SNX29: variants seen among roughly 807,000 people sequenced by gnomAD.
SNX29 encodes the protein sorting nexin-29.
SNX29 carries 78 observed loss-of-function variants against 102.1 expected under a neutral mutation model. That is an observed-to-expected ratio of 0.76 (90% CI 0.64 to 0.92). SNX29 has a LOEUF of 0.92. SNX29 is among the 40% of genes least tolerant of loss of function. SNX29 has a pLI of 0.00. For synonymous variants in SNX29, 580 were observed against 414.5 expected (o/e 1.40, Z -4.85); for missense variants, 1,280 against 1,061.7 (o/e 1.21, Z -2.86).
intron 18 of SNX29, among the ~76,000 whole-genome samples, chr16:12,421,925 C>A (rs2084889522): frequency 1.6e-5 from 1 of 63,366 alleles, no homozygotes; most frequent in Admixed American, 1.9e-4. Context: ...CCATCACCAT[C>A]ATCATCCGTC....
At chr16:12,024,464 C>T (rs1399682229) in intron 3 of SNX29, among the ~76,000 whole-genome samples, 1 of 152,090 alleles carries the variant, frequency 6.6e-6, no homozygotes, top group African/African-American at 2.4e-5. Context: ...CCTTGAATGA[C>T]CAGTAGATAC....
intron 20 of SNX29, among the ~76,000 whole-genome samples, chr16:12,563,546 A>G (rs1042962106): frequency 6.6e-6 from 1 of 152,108 alleles, no homozygotes; most frequent in Non-Finnish European, 1.5e-5. Flanking sequence ...TCCCACCACT[A>G]CCTGAGGGGT....
intron 20 of SNX29, among the ~76,000 whole-genome samples, chr16:12,555,391 G>A (rs116413729): frequency 0.015 from 2,314 of 152,152 alleles, 56 homozygotes; most frequent in African/African-American, 0.052. Context: ...CTTTCCCTGC[G>A]TGTCTGCTGG....
At chr16:12,281,667 A>G (rs144060584) in intron 15 of SNX29, among the ~76,000 whole-genome samples, 2 of 152,268 alleles carry the variant, frequency 1.3e-5, no homozygotes, top group African/African-American at 4.8e-5. Flanking sequence ...GTAGATGAAC[A>G]TATGTGATCC....
At chr16:12,535,237 C>G (rs1004906927) in intron 20 of SNX29, among the ~76,000 whole-genome samples, 9 of 152,354 alleles carry the variant, frequency 5.9e-5, no homozygotes, top group Admixed American at 4.6e-4. Flanking sequence ...CTCCTGGGCT[C>G]AAGCGACTTT....
At chr16:12,296,995 C>T (rs533190718) in intron 15 of SNX29, among the ~76,000 whole-genome samples, 1 of 152,346 alleles carries the variant, frequency 6.6e-6, no homozygotes, top group Admixed American at 6.5e-5. Context: ...GTGGCACCCC[C>T]TTCCCCACAA....
intron 3 of SNX29, among the ~76,000 whole-genome samples, chr16:12,009,479 G>GTGTATA (rs142139296): frequency 4.8e-4 from 72 of 150,012 alleles, no homozygotes; most frequent in Non-Finnish European, 7.3e-4. Flanking sequence ...GTGTGTGTGT[G>GTGTATA]TATATATATA....
intron 11 of SNX29, among the ~76,000 whole-genome samples, chr16:12,108,280 G>A (rs990277935): frequency 1.3e-5 from 2 of 152,206 alleles, no homozygotes; most frequent in Non-Finnish European, 2.9e-5. Context: ...ATGCCACCTG[G>A]CTCTTGAGGC....
intron 15 of SNX29, among the ~76,000 whole-genome samples, chr16:12,345,093 A>G (rs1306250134): frequency 6.6e-6 from 1 of 152,158 alleles, no homozygotes; most frequent in Admixed American, 6.5e-5. Context: ...AAGCCCTACA[A>G]GTGTCTGGTG....
chr16:12,534,430 G>T (rs1280117876), intron 20 of SNX29, among the ~76,000 whole-genome samples: 2 of 152,180 alleles, frequency 1.3e-5, no homozygotes, highest in East Asian at 1.9e-4. Context: ...GGCTGCACTC[G>T]GTTGCCTGTA....
At chr16:12,205,618 G>A (rs2077026648) in intron 14 of SNX29, among the ~76,000 whole-genome samples, 1 of 152,198 alleles carries the variant, frequency 6.6e-6, no homozygotes, top group African/African-American at 2.4e-5. Context: ...TGGTCTCTGT[G>A]TGGCTGGTTC....
intron 13 of SNX29, among the ~76,000 whole-genome samples, chr16:12,139,314 T>A (rs531041750): frequency 6.0e-5 from 9 of 150,762 alleles, no homozygotes; most frequent in South Asian, 4.2e-4. Flanking sequence ...TATTCCTGAA[T>A]AGCGTTATTA....
At position 12,564,600 on chromosome 16, in the gene SNX29, A is replaced by C. The variant is rs2078913173; in HGVS notation, c.2319-3906A>C. ...CAGACGCCCCTTTTTCTTGTTTGTG[A>C]AACTGTAACAGACCTAGTCCCAGCA... On this transcript the variant is annotated intron_variant, in intron 20 of 20. Transcript: ENST00000566228. 3.3e-5 allele frequency among the ~76,000 whole-genome samples: 5 copies of C among 152,134 alleles called. 1 individual carries two copies. The South Asian group carries it at 1.0e-3, about 32-fold the overall frequency.
At chr16:12,048,205 T>C (rs1567562541) in intron 6 of SNX29, among the ~76,000 whole-genome samples, 167 bp from the exon 7 acceptor site, 1 of 151,720 alleles carries the variant, frequency 6.6e-6, no homozygotes, top group African/African-American at 2.4e-5. Context: ...TGGAGTGCAG[T>C]GGCGCGATTT....
intron 15 of SNX29, among the ~76,000 whole-genome samples, chr16:12,345,499 G>C (rs1309507771): frequency 2.6e-5 from 4 of 152,154 alleles, no homozygotes; most frequent in Non-Finnish European, 5.9e-5. Context: ...AGATATCATG[G>C]GTCTGTGGCC....
chr16:12,257,385 A>G (rs970664477), intron 14 of SNX29, among the ~76,000 whole-genome samples: 7 of 152,108 alleles, frequency 4.6e-5, no homozygotes, highest in South Asian at 2.1e-4. Flanking sequence ...ATACTCTCCT[A>G]TCTCAAGGTC....
At chr16:12,437,911 C>T (rs995772171) in intron 18 of SNX29, among the ~76,000 whole-genome samples, 1 of 152,182 alleles carries the variant, frequency 6.6e-6, no homozygotes, top group African/African-American at 2.4e-5. Context: ...GCTGCAGCTG[C>T]CCACAGCCCA....
chr16:12,092,301 G>GGAAGGAAGGAAC (rs2052589094), intron 11 of SNX29, among the ~76,000 whole-genome samples: 1 of 152,156 alleles, frequency 6.6e-6, no homozygotes, highest in African/African-American at 2.4e-5. Context: ...AAGGAAGGAA[G>GGAAGGAAGGAAC]GAAGGAACAA....
At chr16:12,104,288 G>A (rs2053139650) in intron 11 of SNX29, among the ~76,000 whole-genome samples, 1 of 152,156 alleles carries the variant, frequency 6.6e-6, no homozygotes, top group African/African-American at 2.4e-5. Flanking sequence ...AGGTGTGGTG[G>A]CTCATGCCTG....
Sources: allele counts gnomAD v4.1 joint callset (sites outside exome capture counted in the v4.1 genomes callset), GRCh38; gene constraint gnomAD v4.1.1; transcripts MANE v1.5; gene names NCBI Gene and HGNC (gene_info 2026-07-23, HGNC 2026-07-21).